TTC6: variants seen among roughly 807,000 people sequenced by gnomAD.
TTC6 encodes the protein tetratricopeptide repeat domain 6, also known as tetratricopeptide repeat protein 6.
In TTC6, 172 loss-of-function variants were observed where a neutral mutation model predicts 210.4. The ratio of observed to expected loss-of-function variants is 0.82; its 90% confidence interval spans 0.72 to 0.93. TTC6 has a LOEUF of 0.93. Among genes scored for constraint, TTC6 ranks in the 40% least tolerant of loss-of-function variants. TTC6 has a pLI of 0.00. For missense variants in TTC6, 2,414 were observed against 2,318.1 expected, an observed-to-expected ratio of 1.04 and a Z score of -0.85; for synonymous variants, 804 against 819.6, an observed-to-expected ratio of 0.98 and a Z score of 0.32.
At chr14:37,735,764 A>G (rs1233506204) in intron 7 of TTC6, among the ~76,000 whole-genome samples, 157 bp from the exon 10 acceptor site, 7 of 152,184 alleles carry the variant, frequency 4.6e-5, no homozygotes, top group Admixed American at 4.6e-4. Flanking sequence ...CTGGACTTTG[A>G]TGCATCTCTG....
At chr14:37,823,940 T>G (rs755213066) in exon 27 of TTC6, 1 of 1,613,834 alleles carries the variant, frequency 6.2e-7, no homozygotes, top group Non-Finnish European at 8.5e-7. Flanking sequence ...CAGAATTAGT[T>G]TTGGCTATAA....
chr14:37,619,289 T>C (rs2095647558), upstream of TTC6, among the ~76,000 whole-genome samples: 1 of 152,148 alleles, frequency 6.6e-6, no homozygotes. Context: ...TATGATGAGC[T>C]CTTCGTGTAG....
chr14:37,616,680 G>A (rs2095643238), intron 2 of TTC6, among the ~76,000 whole-genome samples: 1 of 147,314 alleles, frequency 6.8e-6, no homozygotes, highest in African/African-American at 2.5e-5. Context: ...CTGGGCGACA[G>A]AGTGATACTC....
At chr14:37,778,259 G>C (rs576418071) in intron 14 of TTC6, among the ~76,000 whole-genome samples, 1 of 152,128 alleles carries the variant, frequency 6.6e-6, no homozygotes, top group Non-Finnish European at 1.5e-5. Context: ...TTTGTGGCAG[G>C]GTTGGGTAGG....
chr14:37,635,981 C>CAAAAAAAAAAAAAAAAAAAAAA (rs71433909), intron 1 of TTC6, among the ~76,000 whole-genome samples: 9 of 70,360 alleles, frequency 1.3e-4, no homozygotes, highest in African/African-American at 2.7e-4. Flanking sequence ...ATTCCATTTC[C>CAAAAAAAAAAAAAAAAAAAAAA]AAAAAAAAAA....
chr14:37,735,278 A>T (rs1213598567), intron 7 of TTC6, among the ~76,000 whole-genome samples: 2 of 152,176 alleles, frequency 1.3e-5, no homozygotes, highest in African/African-American at 4.8e-5. Context: ...CTAACAATTT[A>T]AAAAAGCAAA....
intron 29 of TTC6, among the ~76,000 whole-genome samples, chr14:37,831,977 C>T (rs2096186446): frequency 6.6e-6 from 1 of 152,066 alleles, no homozygotes; most frequent in Non-Finnish European, 1.5e-5. Context: ...GTTGCCTGTG[C>T]TTTTGTGGTT....
At chr14:37,824,802 C>G (rs931946519) in intron 27 of TTC6, among the ~76,000 whole-genome samples, 2 of 152,066 alleles carry the variant, frequency 1.3e-5, no homozygotes, top group South Asian at 2.1e-4. Flanking sequence ...ATACAGTGTT[C>G]CGTAAAGTGG....
chr14:37,674,585 C>T (rs975148277), intron 1 of TTC6, among the ~76,000 whole-genome samples: 4 of 152,052 alleles, frequency 2.6e-5, no homozygotes, highest in African/African-American at 9.7e-5. Flanking sequence ...TTGAGAATGT[C>T]CTAAAGTGAC....
chr14:37,766,504 C>T (rs1703141950), intron 14 of TTC6, among the ~76,000 whole-genome samples: 2 of 152,112 alleles, frequency 1.3e-5, no homozygotes, highest in African/African-American at 4.8e-5. Flanking sequence ...GGATAATATC[C>T]TCCAGTTTTA....
At chr14:37,825,362 G>A (rs2096168334) in intron 27 of TTC6, among the ~76,000 whole-genome samples, 1 of 152,020 alleles carries the variant, frequency 6.6e-6, no homozygotes. Context: ...CAGGAAACAG[G>A]GTCTTGTTCC....
chr14:37,639,916 G>A (rs1214975320), intron 1 of TTC6, among the ~76,000 whole-genome samples: 1 of 145,514 alleles, frequency 6.9e-6, no homozygotes, highest in Non-Finnish European at 1.5e-5. Flanking sequence ...AGAAAAATAA[G>A]ATATATCTAT....
At chr14:37,834,028 G>A (rs2139030536) in intron 29 of TTC6, among the ~76,000 whole-genome samples, 1 of 152,094 alleles carries the variant, frequency 6.6e-6, no homozygotes, top group African/African-American at 2.4e-5. Flanking sequence ...ATTCTCTCCT[G>A]GTTTATAGGA....
intron 3 of TTC6, among the ~76,000 whole-genome samples, chr14:37,684,525 T>C (rs2095790322): frequency 6.6e-6 from 1 of 152,084 alleles, no homozygotes; most frequent in African/African-American, 2.4e-5. Context: ...GGTGAATGGA[T>C]TAAAAAGACT....
At chr14:37,675,458 GTTTA>G (rs2095767068) in intron 1 of TTC6, among the ~76,000 whole-genome samples, 2 of 152,012 alleles carry the variant, frequency 1.3e-5, no homozygotes, top group South Asian at 4.2e-4. Flanking sequence ...ACCAAATTTT[GTTTA>G]TTCATTCATC....
intron 25 of TTC6, among the ~76,000 whole-genome samples, chr14:37,816,585 C>T (rs2096142411): frequency 6.6e-6 from 1 of 152,126 alleles, no homozygotes; most frequent in Admixed American, 6.6e-5. Context: ...CCTGCTGAAG[C>T]AGTCTTCTGG....
chr14:37,800,638 C>T (rs2096104262), intron 20 of TTC6, among the ~76,000 whole-genome samples: 1 of 152,136 alleles, frequency 6.6e-6, no homozygotes, highest in Admixed American at 6.5e-5. Context: ...TTAACCAAAC[C>T]AGAGGATCTC....
intron 12 of TTC6, among the ~76,000 whole-genome samples, chr14:37,750,576 A>G (rs2095948693): frequency 6.6e-6 from 1 of 152,176 alleles, no homozygotes; most frequent in African/African-American, 2.4e-5. Context: ...CAAATTTGGC[A>G]TTGTCGAAAT....
chr14:37,730,164 A>C (rs2095882287), intron 7 of TTC6, among the ~76,000 whole-genome samples: 1 of 152,328 alleles, frequency 6.6e-6, no homozygotes, highest in South Asian at 2.1e-4. Flanking sequence ...TGATATTTAG[A>C]TGCACAGATC....
Sources: allele counts gnomAD v4.1 joint callset (sites outside exome capture counted in the v4.1 genomes callset), GRCh38; gene constraint gnomAD v4.1.1; transcripts MANE v1.5; gene names NCBI Gene and HGNC (gene_info 2026-07-23, HGNC 2026-07-21).